Variants in RPS6KA5 observed in about 807,000 individuals in gnomAD.
RPS6KA5 encodes ribosomal protein S6 kinase A5.
RPS6KA5 carries 27 observed loss-of-function variants against 85.5 expected under a neutral mutation model. The ratio of observed to expected loss-of-function variants is 0.32; its 90% CI spans 0.23 to 0.44. The LOEUF is 0.44. RPS6KA5 is among the 20% of genes least tolerant of loss of function. The pLI is 1.00. For missense variants in RPS6KA5, 811 were observed against 980.9 expected, an observed-to-expected ratio of 0.83 and a Z score of 2.31; for synonymous variants, 334 against 348.2, an observed-to-expected ratio of 0.96 and a Z score of 0.46.
Position 90,851,624 on chromosome 14 carries a change from CAGAG to C in RPS6KA5, c.*20446_*20449del, listed in dbSNP as rs1213784461. 1 of 152,016 alleles carries C rather than the reference CAGAG, an allele frequency of 6.6e-6. No homozygotes were observed. The highest frequency in any genetic ancestry group is 2.4e-5 in the African/African-American group (1 of 41,416). 9.4% of individuals were successfully genotyped at this position (152,016 alleles called of 1,614,324 possible). A position where few individuals can be genotyped will look rare whatever the true frequency, so the allele number is the denominator to read the frequency against. On this transcript the variant is annotated 3_prime_UTR_variant, in exon 17 of 17. Transcript: ENST00000614987. ...TTTCCACAAAATCCTCAGTAATACT[CAGAG>C]AGAGTGTCATATCTAGTACATTTTA... is the stretch of plus-strand genomic sequence containing the variant.
At chr14:90,971,174 A>G (rs376053232) in intron 3 of RPS6KA5, among the ~76,000 whole-genome samples, 2 of 152,234 alleles carry the variant, frequency 1.3e-5, no homozygotes, top group Admixed American at 6.5e-5. Context: ...GAAATTAGCC[A>G]GGTGAGGTGG....
chr14:91,003,628 A>G (rs2040877119), intron 1 of RPS6KA5, among the ~76,000 whole-genome samples: 1 of 152,182 alleles, frequency 6.6e-6, no homozygotes. Context: ...AGCTCAAGGT[A>G]TGTTCTCTTT....
chr14:90,982,502 T>A (rs958775481), intron 2 of RPS6KA5, among the ~76,000 whole-genome samples: 1 of 152,196 alleles, frequency 6.6e-6, no homozygotes, highest in African/African-American at 2.4e-5. Context: ...TACTTCCTGC[T>A]TGGATGGAGC....
intron 14 of RPS6KA5, among the ~76,000 whole-genome samples, chr14:90,879,760 A>G (rs929638560): frequency 6.6e-6 from 1 of 150,730 alleles, no homozygotes; most frequent in Admixed American, 6.6e-5. Context: ...ACAGAATAGA[A>G]TATCTTTCTC....
intron 3 of RPS6KA5, among the ~76,000 whole-genome samples, chr14:90,963,518 T>C (rs553896664): frequency 2.6e-5 from 4 of 152,338 alleles, no homozygotes; most frequent in Middle Eastern, 3.4e-3. Context: ...TCTATGTTAG[T>C]TGGCATTCTC....
intron 3 of RPS6KA5, among the ~76,000 whole-genome samples, chr14:90,957,308 G>GA (rs1360314725): frequency 6.6e-6 from 1 of 152,144 alleles, no homozygotes; most frequent in Non-Finnish European, 1.5e-5. Flanking sequence ...CTCGTGATCT[G>GA]CCTCCCATGG....
chr14:91,060,186 C>A, intron 1 of RPS6KA5, 146 bp downstream of exon 1: 13 of 967,660 alleles, frequency 1.3e-5, no homozygotes, highest in Non-Finnish European at 1.6e-5. Flanking sequence ...CCCCGGGGCA[C>A]GCGCCCCGAC....
chr14:90,934,640 TACTC>T (rs1237861129), intron 5 of RPS6KA5, among the ~76,000 whole-genome samples: 5 of 152,202 alleles, frequency 3.3e-5, no homozygotes, highest in African/African-American at 1.2e-4. Context: ...TCTGTGTTGT[TACTC>T]ACACTGAATC....
At chr14:90,927,634 T>C (rs1421281003) in intron 5 of RPS6KA5, among the ~76,000 whole-genome samples, 1 of 152,062 alleles carries the variant, frequency 6.6e-6, no homozygotes, top group African/African-American at 2.4e-5. Context: ...AAAAGGAACA[T>C]TTCACTAGGG....
chr14:91,006,913 GATTATAA>G (rs917903956), intron 1 of RPS6KA5, among the ~76,000 whole-genome samples: 86 of 152,270 alleles, frequency 5.6e-4, no homozygotes, highest in African/African-American at 1.9e-3. Context: ...CTGGTCTCAA[GATTATAA>G]TTAGATGTAG....
chr14:90,853,831 T>C lies in RPS6KA5; in HGVS notation c.*18243A>G, dbSNP rs2032140756. 1.3e-5 allele frequency: 2 copies of C among 152,234 alleles called. No homozygotes were observed. The highest frequency in any genetic ancestry group is 4.8e-5 in the African/African-American group (2 of 41,462). 9.4% of individuals were successfully genotyped at this position (152,234 alleles called of 1,614,324 possible). On this transcript the variant is annotated 3_prime_UTR_variant, in exon 17 of 17. Coordinates refer to ENST00000614987, the MANE Select transcript of RPS6KA5 (RefSeq NM_004755.4). ...CTTTAGGAAATCAATGTGGTGTTAC[T>C]AGTTTATGTGTATCCCATTATTCAT...
At chr14:91,051,095 G>T (rs867175496) in intron 1 of RPS6KA5, among the ~76,000 whole-genome samples, 1 of 151,708 alleles carries the variant, frequency 6.6e-6, no homozygotes, top group East Asian at 1.9e-4. Flanking sequence ...TAAGCGTGGC[G>T]GTGTGTGGTG....
At position 91,047,047 on chromosome 14, in the gene RPS6KA5, C is replaced by CAA; in HGVS notation, c.103+13283_103+13284dup. ...GGGCAACAGAACAAGACCCTGTCTC[C>CAA]AAAAAAAAAAAAAAAAGAAGAAGAA... is the stretch of plus-strand genomic sequence containing the variant. On this transcript the variant is annotated intron_variant, in intron 1 of 16. Coordinates refer to ENST00000614987, the MANE Select transcript of RPS6KA5 (RefSeq NM_004755.4). Among the ~76,000 whole-genome samples, 2 of 100,412 alleles carry CAA rather than the reference C, an allele frequency of 2.0e-5. 1 individual carries two copies. The highest frequency in any genetic ancestry group is 6.4e-5 in the African/African-American group (2 of 31,116). The allele number at this position is 100,412 out of a possible 152,430, so 65.9% of individuals were successfully genotyped here. A position where few individuals can be genotyped will look rare whatever the true frequency, so the allele number is the denominator to read the frequency against.
At chr14:90,974,036 T>TAAAAAAAAAA (rs1446606129) in intron 3 of RPS6KA5, among the ~76,000 whole-genome samples, 1 of 9,842 alleles carries the variant, frequency 1.0e-4, no homozygotes, top group Non-Finnish European at 1.7e-4. Context: ...AGACTCCATC[T>TAAAAAAAAAA]CAAAAAAAAA....
At chr14:90,960,127 G>C (rs2038723397) in intron 3 of RPS6KA5, among the ~76,000 whole-genome samples, 1 of 152,030 alleles carries the variant, frequency 6.6e-6, no homozygotes, top group South Asian at 2.1e-4. Flanking sequence ...TGGACCAGTG[G>C]GGTTCAGAGC....
At position 90,872,124 on chromosome 14, in the gene RPS6KA5, C is replaced by T. The variant is rs35358985; in HGVS notation, c.2359G>A (p.Asp787Asn). The T allele has an allele frequency of 1.8e-3, 2,864 of 1,613,336 alleles. 5 individuals carry two copies. Among genetic ancestry groups the T allele is most frequent in the Non-Finnish European group, 2.0e-3 (2,389 of 1,179,848 alleles). Residue 787 changes from aspartate (D) to asparagine (N), a missense_variant, in exon 17 of 17, where the codon GAC (aspartate) becomes AAC (asparagine). Asp to Asn is a conservative substitution (Grantham distance 23). This residue lies in a region of RPS6KA5 where 650 missense variants were observed against 793.4 expected (regional missense o/e 0.82). Transcript: ENST00000614987. ...AAGAGGGTCTCCGGGTTATTGCTGT[C>T]GGCAGGATTGCTGGGCTGCAGTGTC... is the stretch of plus-strand genomic sequence containing the variant. ...TKTLQPSNPA[D>N]SNNPETLFQF...
intron 1 of RPS6KA5, among the ~76,000 whole-genome samples, chr14:91,040,699 G>A (rs1359823677): frequency 6.6e-6 from 1 of 152,066 alleles, no homozygotes; most frequent in Non-Finnish European, 1.5e-5. Context: ...AATATTTAAG[G>A]CACAAGCAGA....
chr14:90,893,027 CAA>C (rs1335658774), intron 13 of RPS6KA5, among the ~76,000 whole-genome samples: 1 of 152,118 alleles, frequency 6.6e-6, no homozygotes, highest in Non-Finnish European at 1.5e-5. Flanking sequence ...CTAAATTCTG[CAA>C]GAGAGGACAG....
chr14:91,054,258 C>G (rs952339799), intron 1 of RPS6KA5, among the ~76,000 whole-genome samples: 1 of 151,766 alleles, frequency 6.6e-6, no homozygotes, highest in Admixed American at 6.6e-5. Flanking sequence ...ACAGAGACAT[C>G]AATCTTCATA....
Sources: gnomAD v4.1 joint callset for allele counts (sites outside exome capture counted in the v4.1 genomes callset) on GRCh38, gnomAD v4.1.1 for gene constraint, gnomAD v4.1.1 regional missense constraint, MANE v1.5 for transcripts, NCBI Gene and HGNC (gene_info 2026-07-23, HGNC 2026-07-21) for gene names.